Variants in TLK2 observed in about 807,000 individuals in gnomAD.
The protein encoded by TLK2 is tousled like kinase 2, also known as serine/threonine-protein kinase tousled-like 2.
Under a neutral mutation model 117.3 loss-of-function variants are expected in TLK2, and 6 were observed. The observed-to-expected ratio is 0.05, with a 90% confidence interval of 0.03 to 0.10. The LOEUF (loss-of-function observed/expected upper bound fraction) is 0.10, where lower values mean the gene tolerates loss of function less well. TLK2 is among the 10% of genes least tolerant of loss of function. TLK2 has a pLI of 1.00. For synonymous variants in TLK2, 257 were observed against 316.7 expected, an observed-to-expected ratio of 0.81 and a Z score of 2.00; for missense variants, 299 against 901.2, an observed-to-expected ratio of 0.33 and a Z score of 8.56.
chr17:62,477,933 G>C (rs2071121923), upstream of TLK2: 1 of 152,168 alleles, frequency 6.6e-6, no homozygotes, highest in South Asian at 2.1e-4. Context: ...TTTTTCATCG[G>C]AGGTTGAAAT....
chr17:62,559,187 GTTGT>G (rs781143828), intron 9 of TLK2, among the ~76,000 whole-genome samples: 54 of 152,070 alleles, frequency 3.6e-4, no homozygotes, highest in Non-Finnish European at 7.5e-4. Flanking sequence ...GAACCAGGAC[GTTGT>G]TTGTTTGTTC....
chr17:62,545,353 G>T (rs2077825657), intron 7 of TLK2, among the ~76,000 whole-genome samples: 1 of 152,290 alleles, frequency 6.6e-6, no homozygotes, highest in Non-Finnish European at 1.5e-5. Context: ...AATTCTGTGT[G>T]TAAACATATT....
chr17:62,477,781 G>C (rs975254571), upstream of TLK2: 1 of 152,270 alleles, frequency 6.6e-6, no homozygotes, highest in African/African-American at 2.4e-5. Flanking sequence ...GGGATCAGAG[G>C]GGGTGCCCTC....
At chr17:62,548,462 T>C (rs1398461657) in intron 7 of TLK2, among the ~76,000 whole-genome samples, 1 of 151,844 alleles carries the variant, frequency 6.6e-6, no homozygotes, top group East Asian at 1.9e-4. Flanking sequence ...TTTATATTTT[T>C]AGTAGAGACG....
At chr17:62,595,782 G>A (rs1486683176) in intron 16 of TLK2, among the ~76,000 whole-genome samples, 1 of 151,996 alleles carries the variant, frequency 6.6e-6, no homozygotes, top group African/African-American at 2.4e-5. Context: ...TTGTAAGAAG[G>A]ATTTAAAAAC....
intron 16 of TLK2, among the ~76,000 whole-genome samples, chr17:62,594,733 C>G (rs886913190): frequency 2.6e-5 from 4 of 152,036 alleles, no homozygotes; most frequent in Non-Finnish European, 5.9e-5. Flanking sequence ...ATATCAGCAG[C>G]TCAGGGGCAA....
intron 1 of TLK2, among the ~76,000 whole-genome samples, chr17:62,480,870 T>TA (rs1240314351): frequency 6.6e-6 from 1 of 152,192 alleles, no homozygotes; most frequent in African/African-American, 2.4e-5. Context: ...TTTTTGCTGT[T>TA]AAAATCAAAT....
rs1555628571 is a variant in TLK2 at position 62,546,360 on chromosome 17, T to TTTTTTTTTTTTTTA, written c.532-5942_532-5941insTTTTTTTTTTTTTA. Reference sequence around the variant, plus strand: ...TTGTTGATTGTTTTTTTTTTTTTTTTACATAATGAAAAGGGTTTTTTATTT... The same window carrying TTTTTTTTTTTTTTA: ...TTGTTGATTGTTTTTTTTTTTTTTTTTTTTTTTTTTTTTAACATAATGAAAAGGGTTTTTTATTT... On this transcript the variant is annotated intron_variant, in intron 7 of 21. Coordinates refer to ENST00000346027, the MANE Select transcript of TLK2 (RefSeq NM_006852.6). Among the ~76,000 whole-genome samples, 35 of 98,880 alleles carry TTTTTTTTTTTTTTA rather than the reference T, an allele frequency of 3.5e-4. 1 individual carries two copies. The highest frequency in any genetic ancestry group is 1.1e-3 in the African/African-American group (31 of 28,830). 64.9% of individuals were successfully genotyped at this position (98,880 alleles called of 152,430 possible).
intron 7 of TLK2, among the ~76,000 whole-genome samples, chr17:62,537,188 A>G (rs1197810172): frequency 4.6e-5 from 7 of 152,208 alleles, no homozygotes; most frequent in Non-Finnish European, 7.3e-5. Context: ...TGTGGTGTCT[A>G]TAAGTCTCCA....
upstream of TLK2, among the ~76,000 whole-genome samples, chr17:62,475,617 T>A (rs539534469): frequency 5.7e-3 from 872 of 152,170 alleles, 8 homozygotes; most frequent in African/African-American, 0.02. Flanking sequence ...AGTGCTAGGA[T>A]TACAGGTGTG....
intron 15 of TLK2, among the ~76,000 whole-genome samples, chr17:62,581,690 G>C (rs2146803953): frequency 6.6e-6 from 1 of 151,974 alleles, no homozygotes; most frequent in South Asian, 2.1e-4. Flanking sequence ...ATCACACCTT[G>C]GCTTCCCAAA....
intron 16 of TLK2, among the ~76,000 whole-genome samples, 169 bp from the exon 17 acceptor site, chr17:62,596,416 G>A (rs1173091610): frequency 2.6e-5 from 4 of 152,268 alleles, no homozygotes; most frequent in Non-Finnish European, 5.9e-5. Flanking sequence ...GATTCCAGTG[G>A]AGAAAATAGG....
intron 21 of TLK2, among the ~76,000 whole-genome samples, chr17:62,608,995 CAG>C (rs2083522701): frequency 6.6e-6 from 1 of 152,186 alleles, no homozygotes; most frequent in Non-Finnish European, 1.5e-5. Flanking sequence ...ATTTATTAAC[CAG>C]TTCTACTTAG....
At chr17:62,472,078 TTG>T (rs1007133948) in intron 1 of TLK2, among the ~76,000 whole-genome samples, 2 of 151,024 alleles carry the variant, frequency 1.3e-5, no homozygotes, top group African/African-American at 4.9e-5. Flanking sequence ...GGCTAATTTT[TTG>T]TGTTTTTAGT....
At chr17:62,517,540 G>T (rs1484889613) in intron 2 of TLK2, among the ~76,000 whole-genome samples, 1 of 151,556 alleles carries the variant, frequency 6.6e-6, no homozygotes, top group Admixed American at 6.6e-5. Context: ...GACTACAGGC[G>T]CCCGCCACTG....
chr17:62,612,699 T>C lies in TLK2; in HGVS notation c.*134T>C. ...CAGGTGCTTTTATTTTCTTGCTTTT[T>C]TCCCATCCATAGAGCATGACAGCAT... On this transcript the variant is annotated 3_prime_UTR_variant, in exon 22 of 22. Transcript: ENST00000346027. The C allele has an allele frequency of 4.2e-6, 4 of 956,784 alleles. No individual in the cohort carries two copies. The highest frequency in any genetic ancestry group is 6.0e-6 in the Non-Finnish European group (4 of 671,754). 59.3% of individuals were successfully genotyped at this position (956,784 alleles called of 1,614,324 possible).
chr17:62,569,123 G>GGT (rs1364943451), intron 11 of TLK2, among the ~76,000 whole-genome samples: 1 of 151,384 alleles, frequency 6.6e-6, no homozygotes, highest in Non-Finnish European at 1.5e-5. Context: ...TGGCCAACAT[G>GGT]GTGAAACCCC....
chr17:62,492,657 A>G (rs1287843806), intron 2 of TLK2, among the ~76,000 whole-genome samples: 4 of 151,884 alleles, frequency 2.6e-5, no homozygotes, highest in Admixed American at 6.6e-5. Context: ...GGGTTTCACC[A>G]TGTTGGCCAG....
intron 6 of TLK2, among the ~76,000 whole-genome samples, chr17:62,534,386 A>G (rs1175770880): frequency 6.6e-6 from 1 of 152,196 alleles, no homozygotes; most frequent in African/African-American, 2.4e-5. Context: ...AACTTAGATC[A>G]TCTTTTATAT....
Sources: gnomAD v4.1 joint callset for allele counts (sites outside exome capture counted in the v4.1 genomes callset) on GRCh38, gnomAD v4.1.1 for gene constraint, MANE v1.5 for transcripts, NCBI Gene and HGNC (gene_info 2026-07-23, HGNC 2026-07-21) for gene names.